Variants in CHD5 observed in about 807,000 individuals in gnomAD.
CHD5 encodes the protein ATP-dependent chromatin remodeler CHD5.
Under a neutral mutation model 230.3 loss-of-function variants are expected in CHD5, and 69 were observed. The observed-to-expected ratio is 0.30, with a 90% CI of 0.25 to 0.37. The LOEUF (loss-of-function observed/expected upper bound fraction) is 0.37, where lower values mean the gene tolerates loss of function less well. Ranked by LOEUF, CHD5 falls within the 10% of genes least tolerant of loss-of-function variation. The probability of loss-of-function intolerance (pLI) is 1.00; values close to 1 mark genes in which losing one functional copy is unlikely to be tolerated. For synonymous variants in CHD5, 1,064 were observed against 1,065.9 expected (o/e 1.00, Z 0.03); for missense variants, 1,827 against 2,622.8 (o/e 0.70, Z 6.63).
In CHD5 at chr1:6,106,597, C is replaced by G. The variant is rs1557533453; in HGVS notation, c.5742+19G>C. Reference sequence around the variant, plus strand: ...GCACGCCAGGGGGCTCGGGCCGGGGCACACAGGCCGAGCCTGACCTGCTGG... The same window carrying G: ...GCACGCCAGGGGGCTCGGGCCGGGGGACACAGGCCGAGCCTGACCTGCTGG... On this transcript the variant is annotated intron_variant, in intron 39 of 41. Transcript: ENST00000262450. The G allele has an allele frequency of 1.9e-6, 3 of 1,555,654 alleles. No homozygotes were observed. Among genetic ancestry groups the G allele is most frequent in the East Asian group, 2.4e-5 (1 of 41,458 alleles).
Position 6,124,670 on chromosome 1 carries a change from GGGGGGGGGGACTGGGGCTCAGGGAGT to G in CHD5, c.4395-35_4395-10del. The G allele has an allele frequency of 2.3e-6, 3 of 1,281,794 alleles. No individual in the cohort carries two copies. The highest frequency in any genetic ancestry group is 3.2e-6 in the Non-Finnish European group (3 of 927,302). The allele number at this position is 1,281,794 out of a possible 1,614,324, so 79.4% of individuals were successfully genotyped here. On this transcript the variant is annotated splice_polypyrimidine_tract_variant and intron_variant, in intron 29 of 41. Transcript: ENST00000262450. The stretch of plus-strand genomic sequence containing the variant: ...AGAGGGACACATAGGCTCTGGGGTG[GGGGGGGGGGACTGGGGCTCAGGGAGT>G]GGGGGGCCGGCAAGAACCCTCTGAG...
At position 6,112,957 on chromosome 1, in the gene CHD5, C is replaced by T; in HGVS notation, c.4954G>A (p.Glu1652Lys). ...PEKEKILDKLELSLIHSRGDS... is the reference protein window; with the variant it reads ...PEKEKILDKLKLSLIHSRGDS... The stretch of plus-strand genomic sequence containing the variant: ...CCTCTGCTGTGGATCAAGCTCAGCT[C>T]CAGCTTGTCCAGGATCTTCTCCTTC... Residue 1652 changes from glutamate to lysine, a missense_variant, in exon 34 of 42, where the codon GAG becomes AAG. By Grantham distance (56) the Glu-to-Lys change is moderately conservative. Coordinates refer to ENST00000262450, the MANE Select transcript of CHD5 (RefSeq NM_015557.3). 3 of 1,614,030 alleles carry T rather than the reference C, an allele frequency of 1.9e-6. No individual in the cohort carries two copies. Among genetic ancestry groups the T allele is most frequent in the Non-Finnish European group, 2.5e-6 (3 of 1,179,936 alleles).
intron 34 of CHD5, 69 bp downstream of exon 34, chr1:6,112,840 G>T: frequency 8.5e-7 from 1 of 1,175,156 alleles, no homozygotes; most frequent in Non-Finnish European, 1.2e-6. Context: ...GTGGGAGGCT[G>T]AACAGGGTCC....
intron 33 of CHD5, among the ~76,000 whole-genome samples, chr1:6,117,649 C>T (rs1388454220): frequency 2.0e-5 from 3 of 152,116 alleles, no homozygotes; most frequent in Non-Finnish European, 2.9e-5. Context: ...ATTTCTTCAA[C>T]AAATTATACA....
chr1:6,146,435 G>A lies in CHD5; in HGVS notation c.1591-12C>T, dbSNP rs1410537985. On this transcript the variant is annotated splice_polypyrimidine_tract_variant and intron_variant, in intron 10 of 41. Transcript: ENST00000262450. The surrounding 1 kb of genome is among the most constrained non-coding windows in gnomAD (Gnocchi z 5.1). ...TGGTACAGCTCCAGCTGCTCATGGA[G>A]CGGCACAAAGTCACAGAAGGGAGAT... The A allele has an allele frequency of 3.7e-6, 6 of 1,610,784 alleles. No homozygotes were observed. Among genetic ancestry groups the A allele is most frequent in the Non-Finnish European group, 5.1e-6 (6 of 1,177,876 alleles).
chr1:6,119,161 T>C (rs1666424544), intron 33 of CHD5, among the ~76,000 whole-genome samples: 1 of 152,008 alleles, frequency 6.6e-6, no homozygotes, highest in Non-Finnish European at 1.5e-5. Flanking sequence ...TTTTTTTCTT[T>C]TTTGAGACGG....
intron 6 of CHD5, 97 bp downstream of exon 6, chr1:6,152,315 G>A: frequency 7.1e-7 from 1 of 1,413,300 alleles, no homozygotes; most frequent in South Asian, 1.2e-5. Context: ...CAGCTAGTTT[G>A]TAATGAACTG....
At chr1:6,158,824 G>A (rs955686105) in intron 3 of CHD5, among the ~76,000 whole-genome samples, 5 of 151,062 alleles carry the variant, frequency 3.3e-5, no homozygotes, top group Non-Finnish European at 7.4e-5. Flanking sequence ...CGGCTAAAAC[G>A]GTGAAACCCC....
At chr1:6,106,102 AGCCGCCGGAG>A in intron 41 of CHD5, 122 bp downstream of exon 41, 1 of 834,176 alleles carries the variant, frequency 1.2e-6, no homozygotes, top group Non-Finnish European at 1.9e-6. Flanking sequence ...TGGCTCTCAA[AGCCGCCGGAG>A]GCAGTAAAAG....
Position 6,149,272 on chromosome 1 carries a change from C to T in CHD5, c.1135G>A (p.Glu379Lys), listed in dbSNP as rs767495411. 13 of 1,609,880 alleles carry T rather than the reference C, an allele frequency of 8.1e-6. No individual in the cohort carries two copies. Among genetic ancestry groups the T allele is most frequent in the Non-Finnish European group, 1.1e-5 (13 of 1,177,970 alleles). Residue 379 changes from glutamate (E) to lysine (K), a missense_variant, in exon 8 of 42, where the codon GAG (glutamate) becomes AAG (lysine). Coordinates refer to ENST00000262450, the MANE Select transcript of CHD5 (RefSeq NM_015557.3). The part of the protein sequence containing the change: ...CLDPELEKAP[E>K]GKWSCPHCEK... The stretch of plus-strand genomic sequence containing the variant: ...CAGTGGGGGCAGCTCCACTTGCCCT[C>T]GGGAGCCTTCTCCAGCTCTGGGTCC...
In CHD5 at chr1:6,106,471, A is replaced by T; in HGVS notation, c.5781T>A (p.Phe1927Leu). 1 of 1,558,056 alleles carries T rather than the reference A, an allele frequency of 6.4e-7. No homozygotes were observed. The highest frequency in any genetic ancestry group is 8.7e-7 in the Non-Finnish European group (1 of 1,151,202). Residue 1927 changes from phenylalanine to leucine, a missense_variant, in exon 40 of 42, where the codon TTT becomes TTA. By Grantham distance (22) the Phe-to-Leu change is conservative. This residue lies in a region of CHD5 where 208 missense variants were observed against 302.0 expected (regional missense o/e 0.69). Coordinates refer to ENST00000262450, the MANE Select transcript of CHD5 (RefSeq NM_015557.3). ...GTCCAGGGCCCCGGAAGTTGGGCCC[A>T]AAGTTGTTGCTGTACATCTGGGAGG... is the stretch of plus-strand genomic sequence containing the variant. ...FGSSQMYSNN[F>L]GPNFRGPGPG...
intron 1 of CHD5, among the ~76,000 whole-genome samples, chr1:6,176,619 G>A (rs925733622): frequency 1.3e-5 from 2 of 152,214 alleles, no homozygotes; most frequent in Admixed American, 1.3e-4. Flanking sequence ...CAGGACAGCT[G>A]CCCTCCTTGG....
chr1:6,124,457 G>T, intron 30 of CHD5, 60 bp downstream of exon 30: 1 of 1,586,418 alleles, frequency 6.3e-7, no homozygotes, highest in African/African-American at 1.3e-5. Context: ...ACCCACAAGG[G>T]ACAGCACCAG....
At position 6,125,387 on chromosome 1, in the gene CHD5, C is replaced by T. The variant is rs1337867936; in HGVS notation, c.4260+137G>A. Reference sequence around the variant, plus strand: ...TCCACCTGGGGCAGGACCCTGACGGCGAAGACCAGACCAAGTTCTGTCCAA... The same window carrying T: ...TCCACCTGGGGCAGGACCCTGACGGTGAAGACCAGACCAAGTTCTGTCCAA... On this transcript the variant is annotated intron_variant, in intron 28 of 41. Coordinates refer to ENST00000262450, the MANE Select transcript of CHD5 (RefSeq NM_015557.3). This position sits in a 1 kb window ranked among gnomAD's most constrained non-coding sequence, Gnocchi z 6.7. The T allele has an allele frequency of 1.1e-5, 14 of 1,237,978 alleles. No homozygotes were observed. Among genetic ancestry groups the T allele is most frequent in the South Asian group, 7.2e-5 (5 of 69,410 alleles). The allele number at this position is 1,237,978 out of a possible 1,614,324, so 76.7% of individuals were successfully genotyped here.
At position 6,128,459 on chromosome 1, in the gene CHD5, G is replaced by A; in HGVS notation, c.3730+40C>T. 1 of 1,503,668 alleles carries A rather than the reference G, an allele frequency of 6.7e-7. No homozygotes were observed. Among genetic ancestry groups the A allele is most frequent in the African/African-American group, 1.4e-5 (1 of 72,720 alleles). The allele number at this position is 1,503,668 out of a possible 1,614,324, so 93.1% of individuals were successfully genotyped here. ...CCTCCTCTGCAGGAGCAGCCACCTG[G>A]TCGGAGGAGGAGCTGAGGCTGGGCT... On this transcript the variant is annotated intron_variant, in intron 24 of 41. Transcript: ENST00000262450. The surrounding 1 kb of genome is among the most constrained non-coding windows in gnomAD (Gnocchi z 7.8).
In CHD5 at chr1:6,154,982, G is replaced by T; in HGVS notation, c.507-84C>A. On this transcript the variant is annotated intron_variant, in intron 4 of 41. Transcript: ENST00000262450. The surrounding 1 kb of genome is among the most constrained non-coding windows in gnomAD (Gnocchi z 7.0). ...GACCCCCGGCAGGGCCCACCCCTCT[G>T]CCACATGTGCGATCTATGGCAGCAG... 1 of 1,217,636 alleles carries T rather than the reference G, an allele frequency of 8.2e-7. No homozygotes were observed. Among genetic ancestry groups the T allele is most frequent in the Non-Finnish European group, 1.2e-6 (1 of 854,198 alleles). The allele number at this position is 1,217,636 out of a possible 1,614,324, so 75.4% of individuals were successfully genotyped here.
intron 1 of CHD5, among the ~76,000 whole-genome samples, chr1:6,179,392 T>A (rs1011944422): frequency 2.0e-5 from 3 of 151,344 alleles, no homozygotes; most frequent in Admixed American, 6.6e-5. Flanking sequence ...CAGAGCGGAG[T>A]CCTCCTGGGC....
In CHD5 at chr1:6,106,430, T is replaced by C; in HGVS notation, c.5822A>G (p.Asn1941Ser). ...GGGCCCCAGGGGCATCTGGTTGTAGTTGACAATCCCTCCCGGTCCAGGGCC... is the reference window on the plus strand; with the variant it reads ...GGGCCCCAGGGGCATCTGGTTGTAGCTGACAATCCCTCCCGGTCCAGGGCC... ...FRGPGPGGIV[N>S]YNQMPLGPYV... Residue 1941 changes from asparagine to serine, a missense_variant, in exon 40 of 42, where the codon AAC (asparagine) becomes AGC (serine). Asn to Ser is a conservative substitution (Grantham distance 46). Transcript: ENST00000262450. The C allele has an allele frequency of 6.3e-7, 1 of 1,583,386 alleles. No individual in the cohort carries two copies. The highest frequency in any genetic ancestry group is 8.6e-7 in the Non-Finnish European group (1 of 1,165,240).
Position 6,168,206 on chromosome 1 carries a change from T to C in CHD5, c.151A>G (p.Lys51Glu), listed in dbSNP as rs751162737. 1.9e-6 allele frequency: 3 copies of C among 1,612,518 alleles called. No homozygotes were observed. Among genetic ancestry groups the C allele is most frequent in the East Asian group, 2.2e-5 (1 of 44,824 alleles). Reference protein sequence around the residue: ...PVEPVSLPKKKKPKKLKENKC... With the variant: ...PVEPVSLPKKEKPKKLKENKC... ...TTTTCCTTGAGCTTCTTGGGTTTCT[T>C]CTTCTTAGGAAGGCTCACGGGCTCC... Residue 51 changes from lysine to glutamate, a missense_variant, in exon 2 of 42, where the codon AAG (lysine) becomes GAG (glutamate). Around this residue, in one of 14 missense-constraint regions of CHD5, gnomAD observed 113 missense variants for 91.9 expected, o/e 1.23. Coordinates refer to ENST00000262450, the MANE Select transcript of CHD5 (RefSeq NM_015557.3).
Sources: allele counts gnomAD v4.1 joint callset (sites outside exome capture counted in the v4.1 genomes callset), GRCh38; gene constraint gnomAD v4.1.1; regional missense constraint gnomAD v4.1.1; non-coding constraint Gnocchi (gnomAD v3.1); transcripts MANE v1.5; gene names NCBI Gene and HGNC (gene_info 2026-07-23, HGNC 2026-07-21).